BTAF1: variants seen among roughly 807,000 people sequenced by gnomAD.
The protein encoded by BTAF1 is TATA-binding protein-associated factor 172.
BTAF1 carries 38 observed loss-of-function variants against 227.1 expected under a neutral mutation model. That is an observed-to-expected ratio of 0.17 (90% CI 0.13 to 0.22). The LOEUF is 0.22. Among genes scored for constraint, BTAF1 ranks in the 10% least tolerant of loss-of-function variants. BTAF1 has a pLI of 1.00. For synonymous variants in BTAF1, 742 were observed against 751.9 expected, an observed-to-expected ratio of 0.99 and a Z score of 0.21; for missense variants, 1,598 against 2,204.0, an observed-to-expected ratio of 0.73 and a Z score of 5.51.
At chr10:92,014,754 C>T (rs1051028866) in intron 32 of BTAF1, among the ~76,000 whole-genome samples, 1 of 152,128 alleles carries the variant, frequency 6.6e-6, no homozygotes. Context: ...TTGTGCAGTG[C>T]TAATGGCTTG....
chr10:91,959,773 ATATTT>A lies in BTAF1; in HGVS notation c.991-9_991-5del. 9.1e-7 allele frequency: 1 copy of A among 1,093,530 alleles called. No homozygotes were observed. Among genetic ancestry groups the A allele is most frequent in the Non-Finnish European group, 1.3e-6 (1 of 777,964 alleles). The allele number at this position is 1,093,530 out of a possible 1,614,324, so 67.7% of individuals were successfully genotyped here. ...ATATATATATATATATATATATATT[ATATTT>A]TAACAGATGATTCAGCAGCATCAAG... On this transcript the variant is annotated splice_polypyrimidine_tract_variant and splice_region_variant and intron_variant, in intron 9 of 37. Transcript: ENST00000265990.
intron 2 of BTAF1, among the ~76,000 whole-genome samples, chr10:91,936,007 C>A (rs958916407): frequency 2.6e-5 from 4 of 151,496 alleles, no homozygotes; most frequent in Admixed American, 2.6e-4. Flanking sequence ...GAATCTGTCC[C>A]AGTTTGGTAA....
chr10:91,982,906 A>T, intron 18 of BTAF1, 145 bp downstream of exon 18: 1 of 880,746 alleles, frequency 1.1e-6, no homozygotes, highest in African/African-American at 1.7e-5. Flanking sequence ...TATATTGAAG[A>T]TTATTTCTCT....
chr10:91,998,230 A>C (rs1849271908), intron 25 of BTAF1, among the ~76,000 whole-genome samples: 1 of 152,178 alleles, frequency 6.6e-6, no homozygotes, highest in Non-Finnish European at 1.5e-5. Flanking sequence ...TATTACAATA[A>C]TTAAGATTTT....
chr10:91,980,568 A>G lies in BTAF1; in HGVS notation c.1755+10A>G. On this transcript the variant is annotated intron_variant, in intron 15 of 37. Transcript: ENST00000265990. The stretch of plus-strand genomic sequence containing the variant: ...GGACCTTATTCACAAGGTACACAGC[A>G]AATGTATTTGTGTTCCTTTTCCTAG... The G allele has an allele frequency of 6.3e-7, 1 of 1,586,928 alleles. No homozygotes were observed. The highest frequency in any genetic ancestry group is 8.6e-7 in the Non-Finnish European group (1 of 1,156,620).
chr10:91,927,880 A>G (rs1843962509), intron 1 of BTAF1, among the ~76,000 whole-genome samples: 1 of 151,406 alleles, frequency 6.6e-6, no homozygotes, highest in Non-Finnish European at 1.5e-5. Context: ...ATTGTTCTCT[A>G]CTCCTACATT....
rs1286032536 is a variant in BTAF1, at chr10:92,024,893, T to A, written c.5001T>A (p.Pro1667=). The stretch of plus-strand genomic sequence containing the variant: ...TAGTAGAGCATGATCTCCTCAAACC[T>A]CACTTGCCCTCTGTCACTTATTTGA... The part of the protein sequence containing the change: ...LDIVEHDLLK[P]HLPSVTYLRL... Residue 1667 remains proline, a synonymous_variant, in exon 35 of 38, where the codon CCT becomes CCA. Coordinates refer to ENST00000265990, the MANE Select transcript of BTAF1 (RefSeq NM_003972.3). 6.2e-7 allele frequency: 1 copy of A among 1,614,108 alleles called. No individual in the cohort carries two copies.
At chr10:91,962,406 A>G (rs534833064) in intron 11 of BTAF1, 132 bp from the exon 12 acceptor site, 8 of 583,382 alleles carry the variant, frequency 1.4e-5, no homozygotes, top group African/African-American at 5.7e-5. Context: ...CTCAGAATGT[A>G]TCCATTGTTA....
At chr10:91,962,801 C>A in intron 12 of BTAF1, 123 bp downstream of exon 12, 1 of 724,468 alleles carries the variant, frequency 1.4e-6, no homozygotes, top group Non-Finnish European at 2.2e-6. Flanking sequence ...TTAACAACAG[C>A]CCTCTGATGC....
At position 91,968,979 on chromosome 10, in the gene BTAF1, G is replaced by A. The variant is rs991449698; in HGVS notation, c.1650+2222G>A. On this transcript the variant is annotated intron_variant, in intron 14 of 37. Coordinates refer to ENST00000265990, the MANE Select transcript of BTAF1 (RefSeq NM_003972.3). The stretch of plus-strand genomic sequence containing the variant: ...GGGCTCAAGTGATCTTCCCATTTCA[G>A]CCTCCTGAGTAGCTGAGACTACAAG... Among the ~76,000 whole-genome samples, 5 of 150,898 alleles carry A rather than the reference G, an allele frequency of 3.3e-5. No individual in the cohort carries two copies. In the South Asian group the frequency reaches 6.3e-4, roughly 19 times the overall value.
intron 25 of BTAF1, among the ~76,000 whole-genome samples, chr10:92,004,774 A>G (rs1645340024): frequency 6.6e-6 from 1 of 152,114 alleles, no homozygotes; most frequent in Admixed American, 6.6e-5. Context: ...ACTGGCCTGT[A>G]TTTTGATTTT....
At chr10:91,971,568 GT>G (rs1847310144) in intron 14 of BTAF1, among the ~76,000 whole-genome samples, 1 of 150,558 alleles carries the variant, frequency 6.6e-6, no homozygotes, top group Admixed American at 6.7e-5. Flanking sequence ...TGCCTCCCGG[GT>G]TCAAACGATT....
At chr10:91,948,426 G>T (rs1845538763) in intron 4 of BTAF1, among the ~76,000 whole-genome samples, 1 of 151,266 alleles carries the variant, frequency 6.6e-6, no homozygotes, top group South Asian at 2.1e-4. Flanking sequence ...ATCTCACTCT[G>T]TTGCCCAGGC....
At chr10:92,005,602 T>C (rs905113428) in intron 25 of BTAF1, among the ~76,000 whole-genome samples, 1 of 152,154 alleles carries the variant, frequency 6.6e-6, no homozygotes, top group Non-Finnish European at 1.5e-5. Context: ...TTTCTTGATT[T>C]CTTTTTTCAC....
chr10:91,951,253 A>G, intron 4 of BTAF1, 150 bp from the exon 5 acceptor site: 1 of 751,938 alleles, frequency 1.3e-6, no homozygotes, highest in Non-Finnish European at 2.0e-6. Context: ...TAGGTAACAG[A>G]GTTTATGAGA....
At chr10:91,956,714 C>T (rs1412298434) in intron 7 of BTAF1, 57 bp downstream of exon 7, 64 of 1,559,062 alleles carry the variant, frequency 4.1e-5, no homozygotes, top group Non-Finnish European at 5.2e-5. Flanking sequence ...TTTGGGCCAG[C>T]AGCGGTGGCT....
intron 34 of BTAF1, among the ~76,000 whole-genome samples, chr10:92,019,960 G>A (rs189543378): frequency 4.2e-4 from 63 of 148,496 alleles, no homozygotes; most frequent in Non-Finnish European, 4.5e-5. Flanking sequence ...GGCCTCAAAC[G>A]ATCCTCCCAC....
Position 92,028,999 on chromosome 10 carries a change from TCTA to T in BTAF1, c.*67_*69del. 1 of 1,447,890 alleles carries T rather than the reference TCTA, an allele frequency of 6.9e-7. No homozygotes were observed. The allele number at this position is 1,447,890 out of a possible 1,614,324, so 89.7% of individuals were successfully genotyped here. On this transcript the variant is annotated 3_prime_UTR_variant, in exon 38 of 38. Transcript: ENST00000265990. Reference sequence around the variant, plus strand: ...CATTTCTGCTGATATTCAGCAAATTTCTAAGTTTATGGTGAACTTTTAACTCAA... The same window carrying T: ...CATTTCTGCTGATATTCAGCAAATTTAGTTTATGGTGAACTTTTAACTCAA...
intron 34 of BTAF1, among the ~76,000 whole-genome samples, chr10:92,019,353 G>A (rs562005984): frequency 5.3e-5 from 8 of 152,074 alleles, no homozygotes; most frequent in Non-Finnish European, 7.4e-5. Flanking sequence ...GTCATTTGTG[G>A]CTTATTCATT....
Sources: gnomAD v4.1 joint callset for allele counts (sites outside exome capture counted in the v4.1 genomes callset) on GRCh38, gnomAD v4.1.1 for gene constraint, MANE v1.5 for transcripts, NCBI Gene and HGNC (gene_info 2026-07-23, HGNC 2026-07-21) for gene names.